Variants in CARMIL1 observed in about 807,000 individuals in gnomAD.
The protein encoded by CARMIL1 is capping protein regulator and myosin 1 linker 1.
Under a neutral mutation model 177.1 loss-of-function variants are expected in CARMIL1, and 90 were observed. That is an observed-to-expected ratio of 0.51 (90% CI 0.43 to 0.61). CARMIL1 has a LOEUF of 0.61. CARMIL1 is among the 20% of genes least tolerant of loss of function. The pLI is 0.00. For synonymous variants in CARMIL1, 577 were observed against 606.2 expected (o/e 0.95, Z 0.71); for missense variants, 1,380 against 1,667.0 (o/e 0.83, Z 3.00).
At chr6:25,584,966 T>C (rs539892834) in intron 31 of CARMIL1, among the ~76,000 whole-genome samples, 1 of 152,344 alleles carries the variant, frequency 6.6e-6, no homozygotes, top group East Asian at 1.9e-4. Context: ...TGGCATACTC[T>C]AGGTTGTTTT....
chr6:25,407,910 A>G (rs1438778465), intron 2 of CARMIL1, among the ~76,000 whole-genome samples: 1 of 152,126 alleles, frequency 6.6e-6, no homozygotes, highest in African/African-American at 2.4e-5. Flanking sequence ...TTTAGTAAAA[A>G]CGCAGATTCT....
At chr6:25,513,261 C>G (rs1805637266) in intron 20 of CARMIL1, among the ~76,000 whole-genome samples, 1 of 152,028 alleles carries the variant, frequency 6.6e-6, no homozygotes, top group African/African-American at 2.4e-5. Flanking sequence ...TTCTTTAAAA[C>G]AGTAAGTTTC....
At chr6:25,473,471 A>T (rs1194809288) in intron 11 of CARMIL1, among the ~76,000 whole-genome samples, 1 of 152,242 alleles carries the variant, frequency 6.6e-6, no homozygotes. Context: ...CTTTAAGCTA[A>T]ATAAAATTTT....
At chr6:25,370,253 G>A (rs192255909) in intron 2 of CARMIL1, among the ~76,000 whole-genome samples, 40 of 152,274 alleles carry the variant, frequency 2.6e-4, no homozygotes, top group African/African-American at 8.7e-4. Context: ...TTATGAGTGT[G>A]ATATTTTCAT....
At chr6:25,286,166 C>G (rs547407991) in intron 2 of CARMIL1, among the ~76,000 whole-genome samples, 1 of 152,214 alleles carries the variant, frequency 6.6e-6, no homozygotes, top group African/African-American at 2.4e-5. Context: ...AGCCACTGTG[C>G]GTGGCCTGAA....
intron 2 of CARMIL1, among the ~76,000 whole-genome samples, chr6:25,366,347 G>C (rs1482650408): frequency 6.6e-6 from 1 of 151,994 alleles, no homozygotes; most frequent in Non-Finnish European, 1.5e-5. Flanking sequence ...ACTTTCCTAA[G>C]ATTTCCATGC....
intron 36 of CARMIL1, among the ~76,000 whole-genome samples, chr6:25,610,644 A>G (rs1816431744): frequency 6.6e-6 from 1 of 152,186 alleles, no homozygotes; most frequent in South Asian, 2.1e-4. Flanking sequence ...GCTCAGTCAC[A>G]AGGTCAGATG....
At chr6:25,383,273 A>T (rs1791776304) in intron 2 of CARMIL1, among the ~76,000 whole-genome samples, 1 of 152,164 alleles carries the variant, frequency 6.6e-6, no homozygotes, top group Admixed American at 6.5e-5. Flanking sequence ...GTGCCAAGAA[A>T]TGTCTTTATA....
chr6:25,395,217 A>G (rs1449026904), intron 2 of CARMIL1, among the ~76,000 whole-genome samples: 1 of 152,202 alleles, frequency 6.6e-6, no homozygotes, highest in African/African-American at 2.4e-5. Flanking sequence ...AAGAATATGC[A>G]TTGTCGGGAC....
At chr6:25,365,190 G>A (rs573276556) in intron 2 of CARMIL1, among the ~76,000 whole-genome samples, 2 of 152,190 alleles carry the variant, frequency 1.3e-5, no homozygotes, top group Admixed American at 6.5e-5. Flanking sequence ...ACCATTTTCA[G>A]TGTTTTCTGT....
intron 16 of CARMIL1, among the ~76,000 whole-genome samples, chr6:25,496,380 A>T (rs1803705186): frequency 6.8e-6 from 1 of 146,128 alleles, no homozygotes; most frequent in Non-Finnish European, 1.5e-5. Context: ...CAGGAGGCTG[A>T]GGTGGGAGAA....
At chr6:25,459,331 ATCC>A (rs1471918583) in intron 8 of CARMIL1, among the ~76,000 whole-genome samples, 1 of 138,742 alleles carries the variant, frequency 7.2e-6, no homozygotes, top group African/African-American at 2.7e-5. Flanking sequence ...GGCTTAGTTG[ATCC>A]TCCCACTTCA....
chr6:25,492,915 G>T (rs929673185), intron 15 of CARMIL1, among the ~76,000 whole-genome samples: 1 of 152,182 alleles, frequency 6.6e-6, no homozygotes, highest in Admixed American at 6.5e-5. Flanking sequence ...GCAAAAATAT[G>T]CCACAAATAC....
chr6:25,325,580 T>C (rs1384621214), intron 2 of CARMIL1, among the ~76,000 whole-genome samples: 4 of 152,224 alleles, frequency 2.6e-5, no homozygotes, highest in Non-Finnish European at 5.9e-5. Flanking sequence ...TTTAAAAAAT[T>C]ATGTTAGCTA....
Position 25,416,764 on chromosome 6 carries a change from A to C in CARMIL1, c.139-3350A>C, listed in dbSNP as rs145484780. Among the ~76,000 whole-genome samples, 47 of 152,240 alleles carry C rather than the reference A, an allele frequency of 3.1e-4. 1 individual carries two copies. The East Asian group carries it at 9.1e-3, about 29-fold the overall frequency. On this transcript the variant is annotated intron_variant, in intron 2 of 36. Coordinates refer to ENST00000329474, the MANE Select transcript of CARMIL1 (RefSeq NM_017640.6). ...GCCACTGACTAGCTGTGAGATGATG[A>C]GTTTCTCTGGACCTGCTGTCAGATA...
At chr6:25,570,103 T>G (rs548195508) in intron 29 of CARMIL1, among the ~76,000 whole-genome samples, 1 of 152,304 alleles carries the variant, frequency 6.6e-6, no homozygotes, top group South Asian at 2.1e-4. Context: ...TACCTGGGAC[T>G]ACAGGCGCCC....
intron 2 of CARMIL1, among the ~76,000 whole-genome samples, chr6:25,375,831 C>T (rs1037404134): frequency 3.9e-5 from 6 of 152,190 alleles, no homozygotes; most frequent in Admixed American, 1.3e-4. Context: ...TCCAGAAGTT[C>T]GGATTGGTTT....
intron 1 of CARMIL1, 132 bp downstream of exon 1, chr6:25,279,967 G>C: frequency 9.9e-7 from 1 of 1,010,390 alleles, no homozygotes; most frequent in Non-Finnish European, 1.6e-6. Context: ...GTGTTGGGCA[G>C]GGTCACTGGG....
intron 2 of CARMIL1, among the ~76,000 whole-genome samples, chr6:25,301,214 AT>A (rs896672211): frequency 6.6e-6 from 1 of 152,144 alleles, no homozygotes; most frequent in African/African-American, 2.4e-5. Context: ...AGACAAAGAA[AT>A]GGGAAGACAG....
Sources: allele counts gnomAD v4.1 joint callset (sites outside exome capture counted in the v4.1 genomes callset), GRCh38; gene constraint gnomAD v4.1.1; transcripts MANE v1.5; gene names NCBI Gene and HGNC (gene_info 2026-07-23, HGNC 2026-07-21).